RNF128: variants seen among roughly 807,000 people sequenced by gnomAD.
RNF128 encodes ring finger protein 128.
Under a neutral mutation model 26.2 loss-of-function variants are expected in RNF128, and 13 were observed. The ratio of observed to expected loss-of-function variants is 0.50; its 90% CI spans 0.32 to 0.79. The LOEUF is 0.79. Among genes scored for constraint, RNF128 ranks in the 30% least tolerant of loss-of-function variants. The pLI, the probability that RNF128 is intolerant of heterozygous loss-of-function variation, is 0.03. For synonymous variants in RNF128, 149 were observed against 142.5 expected, an observed-to-expected ratio of 1.05 and a Z score of -0.32; for missense variants, 315 against 349.7, an observed-to-expected ratio of 0.90 and a Z score of 0.79.
chrX:106,794,489 A>G (rs1447588879), intron 6 of RNF128, among the ~76,000 whole-genome samples: 1 of 110,925 alleles, frequency 9.0e-6, no homozygotes, highest in East Asian at 2.8e-4. Context: ...TATGGTTTGT[A>G]GGCTGGAGTT....
intron 1 of RNF128, among the ~76,000 whole-genome samples, chrX:106,704,419 G>C (rs969722709): frequency 2.3e-5 from 2 of 85,679 alleles, no homozygotes; most frequent in African/African-American, 4.5e-5. Context: ...GCGACAGAGC[G>C]AGACTCTGTC....
intron 6 of RNF128, among the ~76,000 whole-genome samples, chrX:106,792,187 G>T (rs1930838473): frequency 9.1e-6 from 1 of 110,489 alleles, no homozygotes; most frequent in Non-Finnish European, 1.9e-5. Context: ...ATAATCTGTG[G>T]ATTATTCTAC....
intron 1 of RNF128, among the ~76,000 whole-genome samples, chrX:106,716,998 C>T (rs1195136113): frequency 9.1e-6 from 1 of 109,792 alleles, no homozygotes; most frequent in Admixed American, 9.7e-5. Flanking sequence ...GTCGGGAGAT[C>T]GAGACCATCC....
chrX:106,707,816 A>C (rs900138983), intron 1 of RNF128, among the ~76,000 whole-genome samples: 1 of 111,249 alleles, frequency 9.0e-6, no homozygotes, highest in Non-Finnish European at 1.9e-5. Context: ...GAAAAAAAAA[A>C]CACCAACTGA....
intron 1 of RNF128, among the ~76,000 whole-genome samples, chrX:106,741,873 C>CT (rs751085545): frequency 6.2e-5 from 7 of 112,123 alleles, no homozygotes; most frequent in Non-Finnish European, 7.5e-5. Flanking sequence ...AACCAGATAA[C>CT]TTTAAGGGAA....
intron 1 of RNF128, among the ~76,000 whole-genome samples, chrX:106,746,662 C>G (rs1349484582): frequency 8.9e-6 from 1 of 111,781 alleles, no homozygotes; most frequent in Non-Finnish European, 1.9e-5. Flanking sequence ...TATTCAACAG[C>G]AATAGGTAAG....
intron 1 of RNF128, among the ~76,000 whole-genome samples, chrX:106,768,773 G>C (rs1337876456): frequency 1.3e-4 from 15 of 111,258 alleles, no homozygotes; most frequent in Non-Finnish European, 1.9e-5. Context: ...GAATGTGTTT[G>C]CTCTTGCCTC....
intron 2 of RNF128, among the ~76,000 whole-genome samples, chrX:106,777,781 G>A (rs763389879): frequency 1.8e-5 from 2 of 111,080 alleles, no homozygotes; most frequent in Non-Finnish European, 3.8e-5. Flanking sequence ...ACCAACCTGT[G>A]CAACATGGCA....
At chrX:106,769,800 A>G (rs767829071) in intron 1 of RNF128, among the ~76,000 whole-genome samples, 185 of 110,683 alleles carry the variant, frequency 1.7e-3, no homozygotes, top group Non-Finnish European at 3.0e-3. Context: ...TTATGATGTT[A>G]GCTGGTTATT....
At chrX:106,694,124 G>A in exon 1 of RNF128, 2 of 1,210,322 alleles carry the variant, frequency 1.7e-6, no homozygotes, top group South Asian at 3.5e-5. Flanking sequence ...AATGAAACCA[G>A]CAACTACACT....
intron 1 of RNF128, among the ~76,000 whole-genome samples, chrX:106,712,069 C>T (rs748534806): frequency 5.4e-5 from 6 of 112,107 alleles, no homozygotes; most frequent in Non-Finnish European, 1.1e-4. Context: ...ATGTGGCTAG[C>T]CCACCGGTGG....
chrX:106,711,450 G>A (rs903588452), intron 1 of RNF128, among the ~76,000 whole-genome samples: 1 of 111,960 alleles, frequency 8.9e-6, no homozygotes, highest in African/African-American at 3.2e-5. Context: ...TTTGAAACTA[G>A]CTAAGTGAGC....
chrX:106,726,646 C>T (rs762853997), upstream of RNF128: 13 of 971,105 alleles, frequency 1.3e-5, no homozygotes, highest in Non-Finnish European at 1.7e-5. Flanking sequence ...CACCTCTACC[C>T]CCAGTCGGCT....
intron 2 of RNF128, among the ~76,000 whole-genome samples, chrX:106,783,991 G>T (rs1037462001): frequency 4.5e-5 from 5 of 111,152 alleles, no homozygotes; most frequent in Admixed American, 1.9e-4. Flanking sequence ...AACATTGGGG[G>T]TCACACTTCA....
intron 1 of RNF128, among the ~76,000 whole-genome samples, chrX:106,753,701 T>G (rs5962740): frequency 0.14 from 15,477 of 111,305 alleles, 2,646 homozygotes; most frequent in African/African-American, 0.48. Flanking sequence ...GCTGCCATCC[T>G]TAAGAAACAC....
At chrX:106,773,928 G>A (rs888145949) in intron 2 of RNF128, among the ~76,000 whole-genome samples, 5 of 110,723 alleles carry the variant, frequency 4.5e-5, no homozygotes, top group South Asian at 3.9e-4. Flanking sequence ...TTCAGTTCCC[G>A]TGGCCCTTCT....
intron 1 of RNF128, among the ~76,000 whole-genome samples, chrX:106,711,532 T>A (rs1363868106): frequency 2.7e-5 from 3 of 111,286 alleles, no homozygotes; most frequent in Non-Finnish European, 5.7e-5. Context: ...ATAGTTAGAG[T>A]GCAATTCCTT....
At chrX:106,772,864 T>C in intron 1 of RNF128, 49 bp from the exon 2 acceptor site, 3 of 1,160,506 alleles carry the variant, frequency 2.6e-6, no homozygotes, top group African/African-American at 3.6e-5. Flanking sequence ...TGGGTTATTA[T>C]ACTAAGAATG....
chrX:106,768,577 T>A (rs2147692585), intron 1 of RNF128, among the ~76,000 whole-genome samples: 1 of 112,148 alleles, frequency 8.9e-6, no homozygotes, highest in Admixed American at 9.5e-5. Context: ...TTTATCATTT[T>A]TTATTGCATC....
Sources: gnomAD v4.1 joint callset for allele counts (sites outside exome capture counted in the v4.1 genomes callset) on GRCh38, gnomAD v4.1.1 for gene constraint, MANE v1.5 for transcripts, NCBI Gene and HGNC (gene_info 2026-07-23, HGNC 2026-07-21) for gene names.